The following UFD1 variants were observed in gnomAD, a reference collection of about 807,000 sequenced individuals.
UFD1 encodes the protein ubiquitin recognition factor in ER-associated degradation protein 1.
A neutral mutation model predicts 45.9 loss-of-function variants in UFD1; 13 were observed. The observed-to-expected ratio is 0.28, with a 90% CI of 0.18 to 0.45. The LOEUF is 0.45. Among genes scored for constraint, UFD1 ranks in the 20% least tolerant of loss-of-function variants. UFD1 has a pLI of 1.00. For synonymous variants in UFD1, 128 were observed against 139.2 expected, an observed-to-expected ratio of 0.92 and a Z score of 0.56; for missense variants, 218 against 389.2, an observed-to-expected ratio of 0.56 and a Z score of 3.70.
intron 11 of UFD1, 95 bp downstream of exon 11, chr22:19,454,654 T>G: frequency 6.3e-7 from 1 of 1,595,094 alleles, no homozygotes; most frequent in Non-Finnish European, 8.6e-7. Context: ...AACAGACTAA[T>G]GCACACCCCT....
intron 4 of UFD1, among the ~76,000 whole-genome samples, chr22:19,468,433 C>G (rs1464057890): frequency 1.3e-5 from 2 of 152,202 alleles, no homozygotes; most frequent in African/African-American, 4.8e-5. Context: ...TGGCCCACCA[C>G]AGCTGAGGCT....
At chr22:19,477,743 A>T (rs1391940785) in intron 1 of UFD1, among the ~76,000 whole-genome samples, 1 of 152,178 alleles carries the variant, frequency 6.6e-6, no homozygotes, top group Non-Finnish European at 1.5e-5. Context: ...TTCCAAATAT[A>T]TATTTAGTAG....
At chr22:19,470,891 A>G (rs934935647) in intron 4 of UFD1, 1 of 451,960 alleles carries the variant, frequency 2.2e-6, no homozygotes, top group African/African-American at 2.0e-5. Flanking sequence ...CACTCCTGAG[A>G]GTTTCCAGCC....
At chr22:19,456,426 GT>G in intron 9 of UFD1, 160 bp downstream of exon 9, 1 of 903,440 alleles carries the variant, frequency 1.1e-6, no homozygotes, top group Non-Finnish European at 1.8e-6. Context: ...ATACAAAAGG[GT>G]TTGGTAACTG....
At chr22:19,452,015 A>G in intron 11 of UFD1, 5 of 867,760 alleles carry the variant, frequency 5.8e-6, no homozygotes, top group Non-Finnish European at 6.9e-6. Flanking sequence ...GAAAAGATGC[A>G]TGAGGATTAT....
intron 3 of UFD1, 103 bp from the exon 4 acceptor site, chr22:19,471,911 C>A: frequency 2.0e-6 from 3 of 1,474,772 alleles, no homozygotes; most frequent in Non-Finnish European, 2.7e-6. Context: ...CTGCCCTCAA[C>A]CCCACACTCC....
chr22:19,456,426 G>T, intron 9 of UFD1, 161 bp downstream of exon 9: 1 of 903,436 alleles, frequency 1.1e-6, no homozygotes, highest in Non-Finnish European at 1.8e-6. Flanking sequence ...ATACAAAAGG[G>T]TTTGGTAACT....
intron 10 of UFD1, 55 bp downstream of exon 10, chr22:19,455,625 A>G (rs1601887149): frequency 1.3e-6 from 2 of 1,569,558 alleles, no homozygotes; most frequent in East Asian, 4.5e-5. Flanking sequence ...GCCCGACCCC[A>G]GCGGGCTGGC....
At chr22:19,454,949 G>T in intron 10 of UFD1, 119 bp from the exon 11 acceptor site, 8 of 1,155,802 alleles carry the variant, frequency 6.9e-6, no homozygotes, top group Non-Finnish European at 9.5e-6. Context: ...GGGCCCTTTG[G>T]TGCTTCCTGG....
intron 6 of UFD1, among the ~76,000 whole-genome samples, chr22:19,462,544 AGT>A (rs2089775245): frequency 6.6e-6 from 1 of 151,776 alleles, no homozygotes; most frequent in Non-Finnish European, 1.5e-5. Context: ...ACATGCCTGT[AGT>A]CCCAGCTACT....
In UFD1 at chr22:19,479,070, C is replaced by G. The variant is rs771646048; in HGVS notation, c.3+13G>C. 5 of 1,611,214 alleles carry G rather than the reference C, an allele frequency of 3.1e-6. No individual in the cohort carries two copies. Among genetic ancestry groups the G allele is most frequent in the East Asian group, 2.2e-5 (1 of 44,806 alleles). ...CAAGGCCCAGCCCCCGCCCGCTGCC[C>G]GTCAGCGCTTACCATGATGGACACC... On this transcript the variant is annotated intron_variant, in intron 1 of 11. Transcript: ENST00000263202.
intron 6 of UFD1, among the ~76,000 whole-genome samples, chr22:19,460,831 C>T (rs572663155): frequency 2.0e-5 from 3 of 151,092 alleles, no homozygotes; most frequent in Non-Finnish European, 4.4e-5. Context: ...TTGACCCTGG[C>T]TCACTGCAGA....
chr22:19,455,895 A>C, intron 9 of UFD1, 127 bp from the exon 10 acceptor site: 14 of 756,500 alleles, frequency 1.9e-5, no homozygotes, highest in Admixed American at 4.7e-5. Flanking sequence ...TGAAGCCCTG[A>C]CTCCTCAACT....
chr22:19,451,462 A>G, intron 11 of UFD1: 1 of 985,380 alleles, frequency 1.0e-6, no homozygotes, highest in South Asian at 4.7e-5. Flanking sequence ...CCTCAGAAAC[A>G]TTCCACTAAG....
At chr22:19,459,645 A>G (rs750923875) in intron 6 of UFD1, among the ~76,000 whole-genome samples, 3 of 151,906 alleles carry the variant, frequency 2.0e-5, no homozygotes, top group Non-Finnish European at 2.9e-5. Context: ...GCAAACAAAC[A>G]AACTCCAGAA....
At chr22:19,465,391 C>A in intron 5 of UFD1, 117 bp from the exon 6 acceptor site, 1 of 826,566 alleles carries the variant, frequency 1.2e-6, no homozygotes, top group Non-Finnish European at 2.0e-6. Context: ...ACTTGAAACA[C>A]GAAGCTTTTA....
At chr22:19,470,931 C>T in intron 4 of UFD1, 1 of 430,180 alleles carries the variant, frequency 2.3e-6, no homozygotes, top group Non-Finnish European at 4.6e-6. Flanking sequence ...TCTCAGTATG[C>T]CTGATGTAAT....
intron 6 of UFD1, among the ~76,000 whole-genome samples, chr22:19,459,734 G>GCT (rs1203744443): frequency 2.4e-4 from 30 of 125,952 alleles, no homozygotes; most frequent in Middle Eastern, 4.8e-3. Flanking sequence ...AGTCTGTCTT[G>GCT]CTTTTTTTTT....
intron 11 of UFD1, chr22:19,453,334 C>A (rs1295459668): frequency 2.0e-6 from 2 of 985,326 alleles, no homozygotes; most frequent in African/African-American, 3.5e-5. Context: ...ACCTCATGAC[C>A]TTTAGCCACA....
Sources: gnomAD v4.1 joint callset for allele counts (sites outside exome capture counted in the v4.1 genomes callset) on GRCh38, gnomAD v4.1.1 for gene constraint, MANE v1.5 for transcripts, NCBI Gene and HGNC (gene_info 2026-07-23, HGNC 2026-07-21) for gene names.